The following DNAJC12 variants were observed in gnomAD, a reference collection of about 807,000 sequenced individuals.
DNAJC12 encodes dnaJ homolog subfamily C member 12.
Under a neutral mutation model 28.5 loss-of-function variants are expected in DNAJC12, and 25 were observed. The ratio of observed to expected loss-of-function variants is 0.88; its 90% CI spans 0.64 to 1.22. The LOEUF is 1.22. Among genes scored for constraint, DNAJC12 ranks in the 50% most tolerant of loss-of-function variants. The probability of loss-of-function intolerance (pLI) is 0.00; values close to 1 mark genes in which losing one functional copy is unlikely to be tolerated. For synonymous variants in DNAJC12, 77 were observed against 80.6 expected (o/e 0.95, Z 0.24); for missense variants, 222 against 231.7 (o/e 0.96, Z 0.27).
intron 1 of DNAJC12, among the ~76,000 whole-genome samples, chr10:67,835,621 CGG>C (rs1842134895): frequency 6.6e-6 from 1 of 151,306 alleles, no homozygotes; most frequent in East Asian, 1.9e-4. Context: ...ACCTGGGAGG[CGG>C]AGGTTGCAGT....
intron 2 of DNAJC12, among the ~76,000 whole-genome samples, chr10:67,818,756 T>C (rs1841940629): frequency 6.6e-6 from 1 of 151,942 alleles, no homozygotes; most frequent in Admixed American, 6.6e-5. Flanking sequence ...CCCGGGTTCA[T>C]GCGATTCTCC....
At chr10:67,835,885 C>T (rs775550523) in intron 1 of DNAJC12, among the ~76,000 whole-genome samples, 13 of 152,038 alleles carry the variant, frequency 8.6e-5, no homozygotes, top group Non-Finnish European at 1.6e-4. Context: ...AGTATGACTC[C>T]ACCTGGTAAC....
At chr10:67,800,058 C>T (rs571698831) in intron 4 of DNAJC12, among the ~76,000 whole-genome samples, 6 of 151,470 alleles carry the variant, frequency 4.0e-5, no homozygotes, top group South Asian at 4.2e-4. Context: ...TGGCGAAACC[C>T]CATCTCTATA....
chr10:67,798,189 G>A (rs905064200), intron 4 of DNAJC12, among the ~76,000 whole-genome samples: 1 of 151,780 alleles, frequency 6.6e-6, no homozygotes, highest in Non-Finnish European at 1.5e-5. Context: ...TGCAAACCAA[G>A]AAACATTCTA....
intron 1 of DNAJC12, among the ~76,000 whole-genome samples, chr10:67,835,144 C>G (rs1280057045): frequency 6.6e-6 from 1 of 152,134 alleles, no homozygotes; most frequent in Non-Finnish European, 1.5e-5. Flanking sequence ...ATTGTAAGAA[C>G]TATATACCAA....
intron 4 of DNAJC12, among the ~76,000 whole-genome samples, chr10:67,801,836 C>CTTT (rs577511924): frequency 0.019 from 489 of 26,230 alleles, 64 homozygotes; most frequent in Non-Finnish European, 0.024. Context: ...CCACTTCATT[C>CTTT]TTTTTTTTTT....
At chr10:67,821,619 G>GA (rs1841981820) in intron 2 of DNAJC12, among the ~76,000 whole-genome samples, 1 of 152,182 alleles carries the variant, frequency 6.6e-6, no homozygotes, top group African/African-American at 2.4e-5. Flanking sequence ...AAGCTGGGCG[G>GA]AACATATGTG....
At chr10:67,807,247 C>T (rs551833259) in intron 3 of DNAJC12, among the ~76,000 whole-genome samples, 7 of 151,114 alleles carry the variant, frequency 4.6e-5, no homozygotes, top group East Asian at 1.9e-4. Context: ...GGTGACAGAG[C>T]GAGATTCTGT....
At chr10:67,817,496 T>G (rs533686974) in intron 2 of DNAJC12, among the ~76,000 whole-genome samples, 3 of 152,236 alleles carry the variant, frequency 2.0e-5, no homozygotes, top group Non-Finnish European at 4.4e-5. Flanking sequence ...TGTCTAGCTT[T>G]TCACCTTAAT....
intron 3 of DNAJC12, 53 bp downstream of exon 3, chr10:67,811,471 C>G: frequency 6.2e-7 from 1 of 1,611,032 alleles, no homozygotes; most frequent in South Asian, 1.1e-5. Context: ...TGAGTCTAAT[C>G]CATGGGCATC....
chr10:67,797,855 A>T (rs527593783), intron 4 of DNAJC12, among the ~76,000 whole-genome samples: 15 of 152,090 alleles, frequency 9.9e-5, no homozygotes, highest in Non-Finnish European at 2.2e-4. Context: ...CCTGGCTAAC[A>T]CGGTGAAACC....
Position 67,811,533 on chromosome 10 carries a change from T to C in DNAJC12, c.288A>G (p.Ser96=). Reference sequence around the variant, plus strand: ...CCAGCGAGAAACCCACCGTCTTCACTGAGTCATTCAAAGCTTCCCACTGCT... The same window carrying C: ...CCAGCGAGAAACCCACCGTCTTCACCGAGTCATTCAAAGCTTCCCACTGCT... The part of the protein sequence containing the change: ...PFQQWEALND[S]VKTSMHWVVR... The change falls in exon 3 of 5, where the codon TCA becomes TCG. Residue 96 remains serine (S), a synonymous_variant. Transcript: ENST00000225171. 2 of 1,614,134 alleles carry C rather than the reference T, an allele frequency of 1.2e-6. No homozygotes were observed. The highest frequency in any genetic ancestry group is 1.7e-6 in the Non-Finnish European group (2 of 1,179,998).
Position 67,827,363 on chromosome 10 carries a change from G to C in DNAJC12, c.79-3971C>G, listed in dbSNP as rs116664749. On this transcript the variant is annotated intron_variant, in intron 1 of 4. Coordinates refer to ENST00000225171, the MANE Select transcript of DNAJC12 (RefSeq NM_021800.3). ...GATTTTGACACTGCACTCTAGCCTG[G>C]GTGGCAGAGCAGGGCTCTGTCTCAA... 5.8e-3 allele frequency among the ~76,000 whole-genome samples: 877 copies of C among 150,892 alleles called. 12 individuals are homozygous for C. The highest frequency in any genetic ancestry group is 0.021 in the African/African-American group (843 of 41,018).
chr10:67,827,115 G>A (rs941852622), intron 1 of DNAJC12, among the ~76,000 whole-genome samples: 8 of 151,456 alleles, frequency 5.3e-5, no homozygotes, highest in African/African-American at 1.5e-4. Flanking sequence ...GGCTGGGTGC[G>A]GTGGCTCACG....
intron 2 of DNAJC12, among the ~76,000 whole-genome samples, chr10:67,821,951 G>A (rs1841985559): frequency 6.6e-6 from 1 of 152,200 alleles, no homozygotes; most frequent in Non-Finnish European, 1.5e-5. Context: ...AAATAAGCGA[G>A]ATTTCAGAGG....
chr10:67,832,158 G>A (rs1397304182), intron 1 of DNAJC12, among the ~76,000 whole-genome samples: 1 of 151,916 alleles, frequency 6.6e-6, no homozygotes, highest in Non-Finnish European at 1.5e-5. Flanking sequence ...CCAGCTACTC[G>A]GGGGGCTGAG....
intron 2 of DNAJC12, among the ~76,000 whole-genome samples, chr10:67,819,763 G>A (rs1349980287): frequency 4.2e-5 from 1 of 23,792 alleles, no homozygotes; most frequent in African/African-American, 1.6e-4. Flanking sequence ...AGGAAGGAAG[G>A]AAGGAAGGAA....
intron 4 of DNAJC12, among the ~76,000 whole-genome samples, chr10:67,799,878 C>CAAA (rs56055620): frequency 0.031 from 3,967 of 128,298 alleles, 242 homozygotes; most frequent in African/African-American, 0.11. Flanking sequence ...GCGAGACTGT[C>CAAA]AAAAAAAAAA....
intron 2 of DNAJC12, among the ~76,000 whole-genome samples, chr10:67,819,202 A>G (rs555793821): frequency 1.3e-4 from 20 of 152,054 alleles, no homozygotes; most frequent in Admixed American, 5.2e-4. Flanking sequence ...GCGCGGTGGC[A>G]GGCGCCTGTA....
Sources: gnomAD v4.1 joint callset for allele counts (sites outside exome capture counted in the v4.1 genomes callset) on GRCh38, gnomAD v4.1.1 for gene constraint, MANE v1.5 for transcripts, NCBI Gene and HGNC (gene_info 2026-07-23, HGNC 2026-07-21) for gene names.